The following ZFP91 variants were observed in gnomAD, a reference collection of about 807,000 sequenced individuals.
ZFP91 encodes the protein ZFP91 zinc finger protein, atypical E3 ubiquitin ligase.
ZFP91 carries 7 observed loss-of-function variants against 63.5 expected under a neutral mutation model. The ratio of observed to expected loss-of-function variants is 0.11; its 90% CI spans 0.06 to 0.21. ZFP91 has a LOEUF of 0.21. ZFP91 is among the 10% of genes least tolerant of loss of function. The pLI is 1.00. For synonymous variants in ZFP91, 330 were observed against 272.1 expected (o/e 1.21, Z -2.10); for missense variants, 628 against 736.6 (o/e 0.85, Z 1.71).
chr11:58,598,769 T>C (rs2134405165), intron 2 of ZFP91, among the ~76,000 whole-genome samples: 1 of 148,798 alleles, frequency 6.7e-6, no homozygotes, highest in South Asian at 2.1e-4. Flanking sequence ...TGTGTGTGTG[T>C]GTGTGTGTGT....
chr11:58,610,831 A>G, intron 4 of ZFP91, 119 bp from the exon 5 acceptor site: 1 of 759,542 alleles, frequency 1.3e-6, no homozygotes, highest in Admixed American at 2.9e-5. Flanking sequence ...GGTCATTAGG[A>G]TGAAAATGCT....
chr11:58,579,748 A>C, intron 1 of ZFP91, 126 bp downstream of exon 1: 1 of 899,432 alleles, frequency 1.1e-6, no homozygotes, highest in East Asian at 3.3e-5. Context: ...TCCGCACGCC[A>C]GATGTCACAC....
At chr11:58,611,114 C>T (rs550921562) in intron 5 of ZFP91, 60 bp downstream of exon 5, 14 of 1,469,480 alleles carry the variant, frequency 9.5e-6, no homozygotes, top group African/African-American at 4.2e-5. Context: ...AGCACTGTTG[C>T]ATGCTTTTAT....
chr11:58,612,719 C>CTT (rs35224542), intron 7 of ZFP91, 43 bp from the exon 8 acceptor site: 73,202 of 1,217,666 alleles, frequency 0.06, 3 homozygotes, highest in East Asian at 0.084. Context: ...CAGAGTACCA[C>CTT]TTTTTTTTTT....
At chr11:58,612,187 G>T in intron 6 of ZFP91, 91 bp from the exon 7 acceptor site, 1 of 1,279,470 alleles carries the variant, frequency 7.8e-7, no homozygotes, top group East Asian at 2.4e-5. Flanking sequence ...CTTGTTCTTT[G>T]GCCGTGTGTG....
chr11:58,580,878 CTTCTAATTGCT>C (rs1299205021), intron 1 of ZFP91, among the ~76,000 whole-genome samples: 1 of 152,174 alleles, frequency 6.6e-6, no homozygotes, highest in Non-Finnish European at 1.5e-5. Context: ...TGCAATTAGA[CTTCTAATTGCT>C]GTAGATGCAT....
Position 58,614,348 on chromosome 11 carries a change from T to C in ZFP91, c.1102+5T>C, listed in dbSNP as rs767361721. On this transcript the variant is annotated splice_donor_5th_base_variant and intron_variant, in intron 9 of 10. Transcript: ENST00000316059. ...GACATGCCAAACATCATACAGGTAC[T>C]TTTAAAATGTGTTTATCAAGTAGGT... 4 of 1,595,932 alleles carry C rather than the reference T, an allele frequency of 2.5e-6. No homozygotes were observed. Among genetic ancestry groups the C allele is most frequent in the African/African-American group, 1.3e-5 (1 of 74,366 alleles).
intron 2 of ZFP91, among the ~76,000 whole-genome samples, chr11:58,604,152 G>T (rs370860589): frequency 6.6e-6 from 1 of 152,132 alleles, no homozygotes; most frequent in Non-Finnish European, 1.5e-5. Flanking sequence ...TTGAGTCCTA[G>T]CCCTTAATAC....
At chr11:58,606,310 G>A (rs151217257) in intron 2 of ZFP91, among the ~76,000 whole-genome samples, 1 of 152,048 alleles carries the variant, frequency 6.6e-6, no homozygotes, top group African/African-American at 2.4e-5. Flanking sequence ...CAGGTGATCC[G>A]CCCACCTTGG....
intron 1 of ZFP91, among the ~76,000 whole-genome samples, chr11:58,584,360 G>A (rs1417652896): frequency 2.0e-5 from 3 of 152,012 alleles, no homozygotes; most frequent in South Asian, 2.1e-4. Context: ...TGATCACCTA[G>A]CTGAGATTTT....
At position 58,579,469 on chromosome 11, in the gene ZFP91, C is replaced by T. The variant is rs1229979540; in HGVS notation, c.188C>T (p.Ala63Val). ...GRDRGRAAAA[A>V]AAAAVSRRRK... is the part of the protein sequence containing the mutation. Reference sequence around the variant, plus strand: ...GACCGAGGCCGGGCCGCTGCGGCCGCCGCCGCCGCAGCTGTGTCCCGCCGG... The same window carrying T: ...GACCGAGGCCGGGCCGCTGCGGCCGTCGCCGCCGCAGCTGTGTCCCGCCGG... Residue 63 changes from alanine (A) to valine (V), a missense_variant, in exon 1 of 11, where the codon GCC becomes GTC. Physicochemically the swap from Ala to Val is moderately conservative, Grantham distance 64. Around this residue, in one of 3 missense-constraint regions of ZFP91, gnomAD observed 437 missense variants for 380.3 expected, o/e 1.15. Coordinates refer to ENST00000316059, the MANE Select transcript of ZFP91 (RefSeq NM_053023.5). 2.1e-6 allele frequency: 3 copies of T among 1,462,356 alleles called. No homozygotes were observed. The highest frequency in any genetic ancestry group is 2.7e-6 in the Non-Finnish European group (3 of 1,113,324). The allele number at this position is 1,462,356 out of a possible 1,614,324, so 90.6% of individuals were successfully genotyped here.
intron 6 of ZFP91, 35 bp downstream of exon 6, chr11:58,611,773 A>G: frequency 6.3e-7 from 1 of 1,576,478 alleles, no homozygotes; most frequent in Non-Finnish European, 8.6e-7. Flanking sequence ...AAAATCTAAC[A>G]GATTTTGAAC....
At chr11:58,608,849 C>T (rs767912484) in intron 2 of ZFP91, among the ~76,000 whole-genome samples, 16 of 152,134 alleles carry the variant, frequency 1.1e-4, no homozygotes, top group Non-Finnish European at 2.1e-4. Context: ...TTGATCTGCC[C>T]GCCTTGGCCA....
rs1033188287 is a variant in ZFP91 at position 58,612,963 on chromosome 11, C to A, written c.987+123C>A. 3.6e-6 allele frequency: 3 copies of A among 827,000 alleles called. No individual in the cohort carries two copies. The African/African-American group carries it at 5.2e-5, about 14-fold the overall frequency. 51.2% of individuals were successfully genotyped at this position (827,000 alleles called of 1,614,324 possible). ...ATTGACATGTAATGTCAAGAAAAGT[C>A]TTTCTTTAAACATAAAATGACTTTA... On this transcript the variant is annotated intron_variant, in intron 8 of 10. Coordinates refer to ENST00000316059, the MANE Select transcript of ZFP91 (RefSeq NM_053023.5).
intron 2 of ZFP91, among the ~76,000 whole-genome samples, chr11:58,599,020 A>G (rs1464987026): frequency 6.6e-6 from 1 of 151,970 alleles, no homozygotes; most frequent in African/African-American, 2.4e-5. Context: ...GGATTTACCT[A>G]TTCTGGATAT....
At chr11:58,594,793 C>A (rs1156837202) in intron 2 of ZFP91, among the ~76,000 whole-genome samples, 3 of 152,160 alleles carry the variant, frequency 2.0e-5, no homozygotes, top group Non-Finnish European at 4.4e-5. Context: ...TTCTAAATTT[C>A]TTAAATACAA....
At chr11:58,585,911 C>T (rs910190594) in intron 2 of ZFP91, among the ~76,000 whole-genome samples, 3 of 151,844 alleles carry the variant, frequency 2.0e-5, no homozygotes, top group African/African-American at 7.3e-5. Context: ...GGTTTCAATG[C>T]TAAGGTTTCT....
At chr11:58,590,471 TC>T (rs1855285449) in intron 2 of ZFP91, among the ~76,000 whole-genome samples, 1 of 152,128 alleles carries the variant, frequency 6.6e-6, no homozygotes, top group Non-Finnish European at 1.5e-5. Context: ...TGTTCCAAAA[TC>T]CTGAAGGCAG....
chr11:58,611,865 A>G (rs368960840), intron 6 of ZFP91, 127 bp downstream of exon 6: 3 of 1,279,572 alleles, frequency 2.3e-6, no homozygotes, highest in Non-Finnish European at 2.1e-6. Flanking sequence ...TAACTTAAAA[A>G]AATTTGGCCT....
Sources: allele counts gnomAD v4.1 joint callset (sites outside exome capture counted in the v4.1 genomes callset), GRCh38; gene constraint gnomAD v4.1.1; regional missense constraint gnomAD v4.1.1; transcripts MANE v1.5; gene names NCBI Gene and HGNC (gene_info 2026-07-23, HGNC 2026-07-21).